The following ARVCF variants were observed in gnomAD, a reference collection of about 807,000 sequenced individuals.
ARVCF encodes ARVCF delta catenin family member, also known as splicing regulator ARVCF.
Under a neutral mutation model 90.9 loss-of-function variants are expected in ARVCF, and 66 were observed. The ratio of observed to expected loss-of-function variants is 0.73; its 90% CI spans 0.60 to 0.89. The LOEUF is 0.89. Ranked by LOEUF, ARVCF falls within the 40% of genes least tolerant of loss-of-function variation. The pLI, the probability that ARVCF is intolerant of heterozygous loss-of-function variation, is 0.00. For synonymous variants in ARVCF, 653 were observed against 603.4 expected, an observed-to-expected ratio of 1.08 and a Z score of -1.21; for missense variants, 1,469 against 1,382.3, an observed-to-expected ratio of 1.06 and a Z score of -1.00.
intron 3 of ARVCF, 80 bp from the exon 4 acceptor site, chr22:19,982,171 T>G: frequency 2.6e-6 from 4 of 1,553,598 alleles, no homozygotes; most frequent in Non-Finnish European, 3.5e-6. Context: ...ACAGCAGCTC[T>G]GCCTCAGCTC....
At chr22:19,997,234 T>A (rs995204814) in intron 2 of ARVCF, among the ~76,000 whole-genome samples, 3 of 152,114 alleles carry the variant, frequency 2.0e-5, no homozygotes, top group Non-Finnish European at 4.4e-5. Context: ...CTGGCTCTAG[T>A]GGCCGAACGA....
intron 1 of ARVCF, among the ~76,000 whole-genome samples, chr22:20,015,588 G>A (rs1945037468): frequency 6.6e-6 from 1 of 152,184 alleles, no homozygotes; most frequent in African/African-American, 2.4e-5. Flanking sequence ...TAGTTAAGAA[G>A]TAGGAAGAAG....
chr22:19,996,231 TCTC>T (rs1944245668), intron 2 of ARVCF, among the ~76,000 whole-genome samples: 1 of 151,522 alleles, frequency 6.6e-6, no homozygotes. Flanking sequence ...GGATGACTGT[TCTC>T]AGCCTCCAAG....
At chr22:19,977,898 T>C (rs1943250985) in intron 8 of ARVCF, 60 bp downstream of exon 8, 13 of 1,524,452 alleles carry the variant, frequency 8.5e-6, no homozygotes, top group Middle Eastern at 1.8e-4. Flanking sequence ...TCCAGCCTCC[T>C]GGGACCTGCA....
In ARVCF at chr22:19,973,469, G is replaced by A. The variant is rs1601574662; in HGVS notation, c.2240-152C>T. 7 of 1,336,784 alleles carry A rather than the reference G, an allele frequency of 5.2e-6. No individual in the cohort carries two copies. The East Asian group carries it at 1.3e-4, about 24-fold the overall frequency. 82.8% of individuals were successfully genotyped at this position (1,336,784 alleles called of 1,614,324 possible). A position where few individuals can be genotyped will look rare whatever the true frequency, so the allele number is the denominator to read the frequency against. On this transcript the variant is annotated intron_variant, in intron 13 of 19. Transcript: ENST00000263207. ...CAGGAGCCCCTGTGAGCAGGGCGCT[G>A]AGCTTCAGAGACAGGGCCGGGGGGA... is the stretch of plus-strand genomic sequence containing the variant.
intron 3 of ARVCF, among the ~76,000 whole-genome samples, chr22:19,988,925 T>C (rs1200922240): frequency 6.6e-6 from 1 of 152,078 alleles, no homozygotes; most frequent in African/African-American, 2.4e-5. Flanking sequence ...CTTGAAGTCT[T>C]TTGCCTGAGG....
intron 13 of ARVCF, 107 bp from the exon 14 acceptor site, chr22:19,973,424 C>T (rs2146246980): frequency 3.6e-6 from 5 of 1,392,302 alleles, no homozygotes; most frequent in Non-Finnish European, 4.7e-6. Flanking sequence ...CCCTGGAGAC[C>T]GCCTGTGTGC....
At chr22:20,005,108 A>T (rs1944574016) in intron 2 of ARVCF, among the ~76,000 whole-genome samples, 1 of 152,216 alleles carries the variant, frequency 6.6e-6, no homozygotes, top group Admixed American at 6.5e-5. Context: ...CAACCAACAG[A>T]ATGGGAGAAA....
At chr22:19,983,541 TC>T (rs1169143497) in intron 3 of ARVCF, 2 of 152,280 alleles carry the variant, frequency 1.3e-5, no homozygotes, top group East Asian at 3.9e-4. Context: ...GACAGGTGTA[TC>T]CCTCAGGCTG....
chr22:20,005,077 A>G (rs1944573085), intron 2 of ARVCF, among the ~76,000 whole-genome samples: 1 of 152,238 alleles, frequency 6.6e-6, no homozygotes, highest in Admixed American at 6.5e-5. Flanking sequence ...ATCAAAGGAC[A>G]CAATCAATAT....
chr22:19,967,086 T>G (rs1942440651), downstream of ARVCF: 2 of 1,237,000 alleles, frequency 1.6e-6, no homozygotes, highest in Non-Finnish European at 2.1e-6. Context: ...CGTAAAGGAG[T>G]GGGCCCCTGG....
At chr22:19,995,796 G>C (rs1325144927) in intron 2 of ARVCF, among the ~76,000 whole-genome samples, 1 of 152,042 alleles carries the variant, frequency 6.6e-6, no homozygotes, top group Non-Finnish European at 1.5e-5. Flanking sequence ...CCCCCCCCTC[G>C]AGGGGAGAGA....
intron 19 of ARVCF, 58 bp downstream of exon 19, chr22:19,971,158 G>T: frequency 6.4e-7 from 1 of 1,550,602 alleles, no homozygotes; most frequent in South Asian, 1.2e-5. Flanking sequence ...AGACTAACAA[G>T]AAGCCCTGGC....
chr22:19,981,724 A>C lies in ARVCF; in HGVS notation c.383T>G (p.Val128Gly), dbSNP rs763951982. ...RRTETKVTKT[V>G]KTVTTRTVRQ... ...TACTGTCCGAGTGGTCACCGTCTTG[A>C]CAGTCTTGGTGACCTGGTGGATGGA... Residue 128 changes from valine (V) to glycine (G), a missense_variant, in exon 5 of 20, where the codon GTC (valine) becomes GGC (glycine). Coordinates refer to ENST00000263207, the MANE Select transcript of ARVCF (RefSeq NM_001670.3). 3.6e-5 allele frequency: 56 copies of C among 1,570,192 alleles called. No homozygotes were observed. The highest frequency in any genetic ancestry group is 4.2e-5 in the Non-Finnish European group (49 of 1,156,036).
At chr22:20,016,066 C>A (rs1418496892) in intron 1 of ARVCF, among the ~76,000 whole-genome samples, 1 of 152,174 alleles carries the variant, frequency 6.6e-6, no homozygotes, top group Non-Finnish European at 1.5e-5. Context: ...CCGGGTGGCG[C>A]GCCCTCTCTC....
At position 19,981,005 on chromosome 22, in the gene ARVCF, C is replaced by T. The variant is rs557603673; in HGVS notation, c.896+206G>A. 4.9e-6 allele frequency: 3 copies of T among 612,398 alleles called. No homozygotes were observed. In the South Asian group the frequency reaches 8.1e-5, roughly 17 times the overall value. 37.9% of individuals were successfully genotyped at this position (612,398 alleles called of 1,614,324 possible). A position where few individuals can be genotyped will look rare whatever the true frequency, so the allele number is the denominator to read the frequency against. Reference sequence around the variant, plus strand: ...GGCACTCTTCCCAGCTTTCCTGGGCCCTGGGCCTGCAGGACAGTGCCCAGC... The same window carrying T: ...GGCACTCTTCCCAGCTTTCCTGGGCTCTGGGCCTGCAGGACAGTGCCCAGC... On this transcript the variant is annotated intron_variant, in intron 5 of 19. Coordinates refer to ENST00000263207, the MANE Select transcript of ARVCF (RefSeq NM_001670.3).
At chr22:19,990,031 T>C (rs2146376737) in intron 3 of ARVCF, among the ~76,000 whole-genome samples, 1 of 152,274 alleles carries the variant, frequency 6.6e-6, no homozygotes, top group Non-Finnish European at 1.5e-5. Flanking sequence ...GTCCCAGTGG[T>C]CTAACTGCTC....
chr22:19,974,157 C>T lies in ARVCF; in HGVS notation c.2043G>A (p.Glu681=). Residue 681 remains glutamate (E), a synonymous_variant, in exon 12 of 20, where the codon GAG becomes GAA. Coordinates refer to ENST00000263207, the MANE Select transcript of ARVCF (RefSeq NM_001670.3). Reference sequence around the variant, plus strand: ...GGTTCTGCAGAGCGCCGGCGGCAGCCTCCAGGGTGTTGAAGTTCCGGCTCT... The same window carrying T: ...GGTTCTGCAGAGCGCCGGCGGCAGCTTCCAGGGTGTTGAAGTTCCGGCTCT... ...LTESRNFNTL[E]AAAGALQNLS... 4 of 1,613,096 alleles carry T rather than the reference C, an allele frequency of 2.5e-6. No homozygotes were observed. The highest frequency in any genetic ancestry group is 1.3e-5 in the African/African-American group (1 of 75,054).
Position 19,979,797 on chromosome 22 carries a change from G to C in ARVCF, c.1342C>G (p.Leu448Val). ...AIRDCGGVPA[L>V]VRLLRAARDN... is the part of the protein sequence containing the mutation. ...CGGGCAGCCCTCAGCAGGCGCACCA[G>C]GGCAGGCACACCACCGCAGTCCCGG... The change falls in exon 6 of 20, where the codon CTG (leucine) becomes GTG (valine). Residue 448 changes from leucine to valine, a missense_variant. Leu to Val is a conservative substitution (Grantham distance 32, BLOSUM62 1). Coordinates refer to ENST00000263207, the MANE Select transcript of ARVCF (RefSeq NM_001670.3). 1.2e-6 allele frequency: 2 copies of C among 1,609,170 alleles called. No homozygotes were observed. Among genetic ancestry groups the C allele is most frequent in the Non-Finnish European group, 1.7e-6 (2 of 1,178,410 alleles).
Sources: gnomAD v4.1 joint callset for allele counts (sites outside exome capture counted in the v4.1 genomes callset) on GRCh38, gnomAD v4.1.1 for gene constraint, MANE v1.5 for transcripts, NCBI Gene and HGNC (gene_info 2026-07-23, HGNC 2026-07-21) for gene names.